AATK: variants seen among roughly 807,000 people sequenced by gnomAD.
The protein encoded by AATK is serine/threonine-protein kinase LMTK1.
Under a neutral mutation model 114.3 loss-of-function variants are expected in AATK, and 91 were observed. The ratio of observed to expected loss-of-function variants is 0.80; its 90% confidence interval spans 0.67 to 0.95. AATK has a LOEUF of 0.95. Ranked by LOEUF, AATK falls within the 40% of genes least tolerant of loss-of-function variation. AATK has a pLI of 0.00. For synonymous variants in AATK, 1,075 were observed against 916.5 expected (o/e 1.17, Z -3.12); for missense variants, 2,176 against 1,965.2 (o/e 1.11, Z -2.03).
chr17:81,134,277 C>G, intron 2 of AATK, 91 bp downstream of exon 2: 1 of 1,529,278 alleles, frequency 6.5e-7, no homozygotes, highest in Non-Finnish European at 8.8e-7. Flanking sequence ...ACCTTGATGG[C>G]CCCAGGAAGG....
At chr17:81,123,697 C>T (rs1016359810) in intron 9 of AATK, among the ~76,000 whole-genome samples, 16 of 106,244 alleles carry the variant, frequency 1.5e-4, no homozygotes, top group South Asian at 3.4e-4. Context: ...GAGCCCAAAG[C>T]GGAGTAGGGC....
At position 81,123,334 on chromosome 17, in the gene AATK, G is replaced by A. The variant is rs768744982; in HGVS notation, c.972C>T (p.Gly324=). 2.8e-5 allele frequency: 38 copies of A among 1,375,626 alleles called. No homozygotes were observed. The highest frequency in any genetic ancestry group is 2.5e-4 in the Admixed American group (7 of 27,566). The allele number at this position is 1,375,626 out of a possible 1,614,324, so 85.2% of individuals were successfully genotyped here. A position where few individuals can be genotyped will look rare whatever the true frequency, so the allele number is the denominator to read the frequency against. ...GCTCAAAGAGCTCCCAGATGGTCAC[G>A]CCCAGGGACCTGTGGGGCGACAGCC... The part of the protein sequence containing the change: ...QTKSGNVWSL[G]VTIWELFELG... The change falls in exon 10 of 14, where the codon GGC becomes GGT. Residue 324 remains glycine (G), a synonymous_variant. Coordinates refer to ENST00000326724, the MANE Select transcript of AATK (RefSeq NM_001080395.3).
Position 81,124,707 on chromosome 17 carries a change from G to A in AATK, c.962+20C>T. On this transcript the variant is annotated intron_variant, in intron 9 of 13. Coordinates refer to ENST00000326724, the MANE Select transcript of AATK (RefSeq NM_001080395.3). ...GCACTCGGCCTCGGCCCCTCACGGT[G>A]CCACCAGGGCCGCACTCACCACACA... is the stretch of plus-strand genomic sequence containing the variant. The A allele has an allele frequency of 6.2e-7, 1 of 1,608,692 alleles. No individual in the cohort carries two copies. Among genetic ancestry groups the A allele is most frequent in the Non-Finnish European group, 8.5e-7 (1 of 1,176,620 alleles).
At chr17:81,140,916 G>GCCGTGGGA (rs564165934) in intron 1 of AATK, among the ~76,000 whole-genome samples, 2 of 100,288 alleles carry the variant, frequency 2.0e-5, no homozygotes, top group African/African-American at 7.7e-5. Context: ...GGGCCGTGGG[G>GCCGTGGGA]CCGTGGGACC....
intron 1 of AATK, chr17:81,160,308 A>G (rs2061415110): frequency 3.7e-6 from 3 of 816,464 alleles, no homozygotes; most frequent in South Asian, 5.8e-5. Flanking sequence ...GGAGGACCCC[A>G]GCCCGCCCCA....
Position 81,126,917 on chromosome 17 carries a change from C to A in AATK, c.622-357G>T. 9.9e-7 allele frequency: 1 copy of A among 1,013,056 alleles called. No homozygotes were observed. The highest frequency in any genetic ancestry group is 1.2e-6 in the Non-Finnish European group (1 of 815,562). The allele number at this position is 1,013,056 out of a possible 1,614,324, so 62.8% of individuals were successfully genotyped here. Reference sequence around the variant, plus strand: ...CCGGCAGCCCCTGACCTGCCGAAAGCCCAGCCCCGGGACGGTCAACGTCAG... The same window carrying A: ...CCGGCAGCCCCTGACCTGCCGAAAGACCAGCCCCGGGACGGTCAACGTCAG... On this transcript the variant is annotated intron_variant, in intron 6 of 13. Coordinates refer to ENST00000326724, the MANE Select transcript of AATK (RefSeq NM_001080395.3). This position sits in a 1 kb window ranked among gnomAD's most constrained non-coding sequence, Gnocchi z 5.1.
At position 81,118,363 on chromosome 17, in the gene AATK, C is replaced by T. The variant is rs554309045; in HGVS notation, c.*39G>A. On this transcript the variant is annotated 3_prime_UTR_variant, in exon 14 of 14. Coordinates refer to ENST00000326724, the MANE Select transcript of AATK (RefSeq NM_001080395.3). Reference sequence around the variant, plus strand: ...CCTCGCTGCTGCCTGGCAGGGGCTCCGGTGACGCCAGCCTTGAGGGGCAGG... The same window carrying T: ...CCTCGCTGCTGCCTGGCAGGGGCTCTGGTGACGCCAGCCTTGAGGGGCAGG... 55 of 1,580,628 alleles carry T rather than the reference C, an allele frequency of 3.5e-5. No individual in the cohort carries two copies. Among genetic ancestry groups the T allele is most frequent in the Middle Eastern group, 1.7e-4 (1 of 6,042 alleles).
rs1181301500 is a variant in AATK, at chr17:81,122,316, G to A, written c.1620C>T (p.Ala540=). 1.3e-6 allele frequency: 2 copies of A among 1,509,710 alleles called. No homozygotes were observed. Among genetic ancestry groups the A allele is most frequent in the African/African-American group, 2.8e-5 (2 of 70,230 alleles). 93.5% of individuals were successfully genotyped at this position (1,509,710 alleles called of 1,614,324 possible). ...YFIRLEEAAP[A]AGHDPDCAGC... is the part of the protein sequence containing the mutation. ...CGGCGCAGTCAGGGTCGTGGCCGGCGGCGGGTGCGGCCTCCTCTAGGCGGA... is the reference window on the plus strand; with the variant it reads ...CGGCGCAGTCAGGGTCGTGGCCGGCAGCGGGTGCGGCCTCCTCTAGGCGGA... The change falls in exon 11 of 14, where the codon GCC becomes GCT. Residue 540 remains alanine (A), a synonymous_variant. Coordinates refer to ENST00000326724, the MANE Select transcript of AATK (RefSeq NM_001080395.3).
rs1447991351 is a variant in AATK, at chr17:81,127,884, G to A, written c.441C>T (p.Gly147=). The A allele has an allele frequency of 1.3e-6, 2 of 1,549,142 alleles. No individual in the cohort carries two copies. The highest frequency in any genetic ancestry group is 1.7e-6 in the Non-Finnish European group (2 of 1,146,982). ...GKVFLGEVNS[G]ISSAQVVVKE... Reference sequence around the variant, plus strand: ...TCACCACCACCTGGGCACTGCTGATGCCAGAGTTCACCTCCCCCAGGAACA... The same window carrying A: ...TCACCACCACCTGGGCACTGCTGATACCAGAGTTCACCTCCCCCAGGAACA... Residue 147 remains glycine, a synonymous_variant, in exon 5 of 14, where the codon GGC becomes GGT. Transcript: ENST00000326724.
Position 81,121,344 on chromosome 17 carries a change from G to T in AATK, c.2592C>A (p.Ala864=), listed in dbSNP as rs8073904. The T allele has an allele frequency of 6.2e-7, 1 of 1,611,740 alleles. No individual in the cohort carries two copies. The highest frequency in any genetic ancestry group is 8.5e-7 in the Non-Finnish European group (1 of 1,179,616). ...EAPSSEDEDT[A]EATSGIFTDT... is the part of the protein sequence containing the mutation. Reference sequence around the variant, plus strand: ...CGGTGAAGATGCCTGAGGTGGCCTCGGCCGTGTCCTCATCCTCACTGCTGG... The same window carrying T: ...CGGTGAAGATGCCTGAGGTGGCCTCTGCCGTGTCCTCATCCTCACTGCTGG... The change falls in exon 11 of 14, where the codon GCC becomes GCA. Residue 864 remains alanine, a synonymous_variant. Coordinates refer to ENST00000326724, the MANE Select transcript of AATK (RefSeq NM_001080395.3).
intron 13 of AATK, 127 bp downstream of exon 13, chr17:81,119,253 G>A: frequency 1.1e-6 from 1 of 949,868 alleles, no homozygotes; most frequent in Non-Finnish European, 1.4e-6. Flanking sequence ...AGCGGGGCCG[G>A]GAAGGAGCGG....
intron 2 of AATK, chr17:81,133,225 G>A (rs765925756): frequency 8.1e-6 from 4 of 493,656 alleles, no homozygotes; most frequent in Admixed American, 2.2e-5. Context: ...GGCTCTGGAA[G>A]GTTGAATGGG....
At chr17:81,153,750 TGC>T (rs1223321516) in intron 1 of AATK, among the ~76,000 whole-genome samples, 1 of 152,100 alleles carries the variant, frequency 6.6e-6, no homozygotes, top group African/African-American at 2.4e-5. Flanking sequence ...CTAATAGGAA[TGC>T]TCATGCAGTA....
At chr17:81,138,896 T>C (rs1477501641) in intron 1 of AATK, among the ~76,000 whole-genome samples, 6 of 148,858 alleles carry the variant, frequency 4.0e-5, no homozygotes, top group Non-Finnish European at 7.4e-5. Context: ...CGCACACACA[T>C]ATAACCACAC....
In AATK at chr17:81,118,233, G is replaced by A; in HGVS notation, c.*169C>T. The A allele has an allele frequency of 1.6e-6, 1 of 639,558 alleles. No homozygotes were observed. The highest frequency in any genetic ancestry group is 2.7e-6 in the Non-Finnish European group (1 of 368,100). 39.6% of individuals were successfully genotyped at this position (639,558 alleles called of 1,614,324 possible). A position where few individuals can be genotyped will look rare whatever the true frequency, so the allele number is the denominator to read the frequency against. On this transcript the variant is annotated 3_prime_UTR_variant, in exon 14 of 14. Coordinates refer to ENST00000326724, the MANE Select transcript of AATK (RefSeq NM_001080395.3). ...GGAGCATGGCCGATCTACCATCCAG[G>A]GCCTCTCATCCCACGGGCTTCTCCA...
At chr17:81,133,371 T>C (rs1366261876) in intron 2 of AATK, 7 of 344,750 alleles carry the variant, frequency 2.0e-5, no homozygotes, top group Non-Finnish European at 2.9e-5. Flanking sequence ...GGGAGGACTC[T>C]GGGACTGTCT....
intron 13 of AATK, 73 bp from the exon 14 acceptor site, chr17:81,118,515 G>C: frequency 6.6e-7 from 1 of 1,516,860 alleles, no homozygotes; most frequent in Admixed American, 1.9e-5. Flanking sequence ...ACTCCCACCT[G>C]GCCTCCATCC....
chr17:81,138,410 C>A (rs111211146), intron 1 of AATK, among the ~76,000 whole-genome samples: 1 of 148,176 alleles, frequency 6.7e-6, no homozygotes, highest in African/African-American at 2.5e-5. Flanking sequence ...CCCACACGTG[C>A]GTGCACATAC....
In AATK at chr17:81,125,009, A is replaced by T; in HGVS notation, c.761T>A (p.Leu254Gln). 6.7e-7 allele frequency: 1 copy of T among 1,489,478 alleles called. No individual in the cohort carries two copies. Among genetic ancestry groups the T allele is most frequent in the Non-Finnish European group, 9.0e-7 (1 of 1,110,690 alleles). 92.3% of individuals were successfully genotyped at this position (1,489,478 alleles called of 1,614,324 possible). ...LHRNNFVHSD[L>Q]ALRNCLLTAD... ...CGTGAGCAGGCAGTTCCGCAGGGCC[A>T]GGTCGCTGCAGGCAGGGGCAGGGGC... Residue 254 changes from leucine to glutamine, a missense_variant, in exon 8 of 14, where the codon CTG (leucine) becomes CAG (glutamine). Physicochemically the swap from Leu to Gln is moderately radical, Grantham distance 113. Coordinates refer to ENST00000326724, the MANE Select transcript of AATK (RefSeq NM_001080395.3).
Sources: allele counts gnomAD v4.1 joint callset (sites outside exome capture counted in the v4.1 genomes callset), GRCh38; gene constraint gnomAD v4.1.1; non-coding constraint Gnocchi (gnomAD v3.1); transcripts MANE v1.5; gene names NCBI Gene and HGNC (gene_info 2026-07-23, HGNC 2026-07-21).